The following TRPM3 variants were observed in gnomAD, a reference collection of about 807,000 sequenced individuals.
TRPM3 encodes transient receptor potential cation channel subfamily M member 3, also known as long transient receptor potential channel 3.
In TRPM3, 77 loss-of-function variants were observed where a neutral mutation model predicts 181.2. The ratio of observed to expected loss-of-function variants is 0.42; its 90% CI spans 0.35 to 0.51. The LOEUF (loss-of-function observed/expected upper bound fraction) is 0.51. TRPM3 is among the 20% of genes least tolerant of loss of function. The pLI is 0.01. For synonymous variants in TRPM3, 745 were observed against 796.4 expected (o/e 0.94, Z 1.09); for missense variants, 1,759 against 2,196.7 (o/e 0.80, Z 3.98).
At chr9:71,020,397 G>T (rs1160062922) in intron 1 of TRPM3, among the ~76,000 whole-genome samples, 2 of 151,598 alleles carry the variant, frequency 1.3e-5, no homozygotes, top group East Asian at 3.9e-4. Flanking sequence ...AAGATCACTT[G>T]AGCCCAGGAG....
intron 1 of TRPM3, among the ~76,000 whole-genome samples, chr9:71,423,811 C>T (rs946602785): frequency 1.3e-5 from 2 of 152,106 alleles, no homozygotes; most frequent in Non-Finnish European, 2.9e-5. Context: ...TCAAAAGTTC[C>T]TCCCCGGAGA....
chr9:71,282,127 CGAAA>C (rs1161159614), intron 1 of TRPM3, among the ~76,000 whole-genome samples: 13 of 57,680 alleles, frequency 2.3e-4, no homozygotes, highest in East Asian at 1.4e-3. Context: ...AAAGAAAGAA[CGAAA>C]GAAAGAAAGA....
chr9:71,234,918 A>T (rs1002981186), intron 1 of TRPM3, among the ~76,000 whole-genome samples: 1 of 152,208 alleles, frequency 6.6e-6, no homozygotes, highest in Non-Finnish European at 1.5e-5. Context: ...TTTAACAAAT[A>T]GTGTGCAAAT....
At chr9:71,206,285 G>A (rs377461001) in intron 1 of TRPM3, among the ~76,000 whole-genome samples, 7 of 152,068 alleles carry the variant, frequency 4.6e-5, no homozygotes, top group Middle Eastern at 3.4e-3. Flanking sequence ...AGAGATCGCC[G>A]TTCTAACTGG....
rs5898150 is a variant in TRPM3, at chr9:70,545,548, C to CTTTTTTTTT, written c.3707+3985_3707+3993dup. Among the ~76,000 whole-genome samples, 111 of 113,318 alleles carry CTTTTTTTTT rather than the reference C, an allele frequency of 9.8e-4. 4 individuals carry two copies. The highest frequency in any genetic ancestry group is 1.2e-3 in the Non-Finnish European group (67 of 57,552). The allele number at this position is 113,318 out of a possible 152,430, so 74.3% of individuals were successfully genotyped here. ...AGAGAAAAGAATTTTAATTTTCTTT[C>CTTTTTTTTT]TTTTTTTTTTTTTTTTGAAGTGGAG... On this transcript the variant is annotated intron_variant, in intron 25 of 25. Transcript: ENST00000677713.
intron 8 of TRPM3, among the ~76,000 whole-genome samples, chr9:70,694,551 G>A (rs1219070251): frequency 6.6e-6 from 1 of 152,150 alleles, no homozygotes; most frequent in Admixed American, 6.5e-5. Flanking sequence ...CGCGATCTCG[G>A]CTCACTGCAA....
intron 6 of TRPM3, among the ~76,000 whole-genome samples, chr9:70,823,690 C>CT (rs539060277): frequency 2.9e-5 from 1 of 33,992 alleles, no homozygotes; most frequent in South Asian, 7.1e-4. Context: ...ACTATGGTTG[C>CT]CCCCCTTGAT....
chr9:71,292,485 T>C (rs536387082), intron 1 of TRPM3, among the ~76,000 whole-genome samples: 9 of 151,924 alleles, frequency 5.9e-5, no homozygotes, highest in African/African-American at 2.2e-4. Flanking sequence ...TAATAAAAGA[T>C]AATATAAACA....
chr9:71,113,235 T>G lies in TRPM3; in HGVS notation c.177+7943A>C, dbSNP rs528395993. 2.0e-5 allele frequency among the ~76,000 whole-genome samples: 3 copies of G among 152,242 alleles called. No homozygotes were observed. The East Asian group carries it at 5.8e-4, about 29-fold the overall frequency. ...GCCCAAGTAAAAGAGAGACTGATTT[T>G]GGGAACTAGGAATAGACAGAAGGGG... On this transcript the variant is annotated intron_variant, in intron 1 of 25. Transcript: ENST00000677713.
At chr9:71,433,849 G>A (rs1344141846) in intron 1 of TRPM3, among the ~76,000 whole-genome samples, 3 of 152,072 alleles carry the variant, frequency 2.0e-5, no homozygotes, top group Non-Finnish European at 4.4e-5. Flanking sequence ...GAAATTTCCT[G>A]AATTATCATA....
chr9:71,245,834 G>A (rs2131990571), intron 1 of TRPM3, among the ~76,000 whole-genome samples: 1 of 152,316 alleles, frequency 6.6e-6, no homozygotes, highest in East Asian at 1.9e-4. Context: ...AGATGTCAAA[G>A]ACACAGAGTT....
chr9:71,147,909 G>A (rs995456106), intron 1 of TRPM3, among the ~76,000 whole-genome samples: 5 of 152,078 alleles, frequency 3.3e-5, no homozygotes, highest in African/African-American at 1.2e-4. Context: ...CCAGAATCTA[G>A]AAATATTCTC....
At chr9:70,756,438 A>AT (rs2077093585) in intron 8 of TRPM3, among the ~76,000 whole-genome samples, 1 of 152,158 alleles carries the variant, frequency 6.6e-6, no homozygotes, top group Admixed American at 6.5e-5. Flanking sequence ...GATCAATGAG[A>AT]TAAAAAAATA....
intron 1 of TRPM3, among the ~76,000 whole-genome samples, chr9:71,205,295 C>T (rs76174876): frequency 5.3e-5 from 8 of 151,988 alleles, no homozygotes; most frequent in Non-Finnish European, 1.0e-4. Context: ...GAAAGAGGAA[C>T]AAGAACGATT....
chr9:71,391,586 T>G (rs543080345), intron 1 of TRPM3, among the ~76,000 whole-genome samples: 1 of 152,216 alleles, frequency 6.6e-6, no homozygotes, highest in African/African-American at 2.4e-5. Flanking sequence ...TGTTTCCATA[T>G]GAAAGATGCT....
chr9:70,864,893 T>C (rs2095613585), intron 1 of TRPM3, among the ~76,000 whole-genome samples: 2 of 152,012 alleles, frequency 1.3e-5, no homozygotes, highest in Admixed American at 6.6e-5. Flanking sequence ...TGGGAAGAAA[T>C]GCATCTAAAT....
intron 1 of TRPM3, among the ~76,000 whole-genome samples, chr9:70,891,357 A>G (rs1039302761): frequency 1.3e-5 from 2 of 152,222 alleles, no homozygotes; most frequent in Admixed American, 1.3e-4. Flanking sequence ...GCTAAATCCC[A>G]TTTTTCAAAG....
chr9:71,179,273 T>C (rs2077266879), intron 1 of TRPM3, among the ~76,000 whole-genome samples: 1 of 152,062 alleles, frequency 6.6e-6, no homozygotes, highest in South Asian at 2.1e-4. Flanking sequence ...CCTAAAAGAA[T>C]TGCTGGCACC....
chr9:71,084,909 T>C lies in TRPM3; in HGVS notation c.177+36269A>G, dbSNP rs1316166691. Reference sequence around the variant, plus strand: ...CAAGTCTATAGTAACCAAAACAGCATGGTACTGGTACAAAAACAGATATGT... The same window carrying C: ...CAAGTCTATAGTAACCAAAACAGCACGGTACTGGTACAAAAACAGATATGT... On this transcript the variant is annotated intron_variant, in intron 1 of 25. Coordinates refer to ENST00000677713, the MANE Select transcript of TRPM3 (RefSeq NM_001366145.2). Among the ~76,000 whole-genome samples the C allele has an allele frequency of 2.6e-5, 4 of 152,192 alleles. No individual in the cohort carries two copies. In the East Asian group the frequency reaches 7.7e-4, roughly 29 times the overall value.
Sources: allele counts gnomAD v4.1 joint callset (sites outside exome capture counted in the v4.1 genomes callset), GRCh38; gene constraint gnomAD v4.1.1; transcripts MANE v1.5; gene names NCBI Gene and HGNC (gene_info 2026-07-23, HGNC 2026-07-21).